ZNF594: variants seen among roughly 807,000 people sequenced by gnomAD.
The protein encoded by ZNF594 is zinc finger protein HZF18.
For synonymous variants in ZNF594, 336 were observed against 309.4 expected (o/e 1.09, Z -0.90); for missense variants, 1,037 against 964.6 (o/e 1.08, Z -0.99).
chr17:5,181,398 T>C lies in ZNF594; in HGVS notation c.*435A>G, dbSNP rs757407649. The C allele has an allele frequency of 1.8e-5, 29 of 1,612,960 alleles. No individual in the cohort carries two copies. The highest frequency in any genetic ancestry group is 2.5e-5 in the Non-Finnish European group (29 of 1,179,102). ...AGCCCTACCACACTGATTACACCAA[T>C]AAGCTTTCTCTTCTTGGTGAATTTT... On this transcript the variant is annotated 3_prime_UTR_variant, in exon 2 of 2. Coordinates refer to ENST00000575779, the MANE Select transcript of ZNF594 (RefSeq NM_032530.2).
At chr17:5,190,745 A>C (rs1414661087) in intron 1 of ZNF594, among the ~76,000 whole-genome samples, 1 of 152,102 alleles carries the variant, frequency 6.6e-6, no homozygotes, top group Admixed American at 6.5e-5. Context: ...TAGCAGAGAG[A>C]GAGCCGGACA....
intron 1 of ZNF594, among the ~76,000 whole-genome samples, chr17:5,187,697 A>G (rs892152408): frequency 4.6e-5 from 7 of 152,190 alleles, no homozygotes; most frequent in Non-Finnish European, 7.3e-5. Flanking sequence ...AATGGAGATA[A>G]TAATAGTATT....
chr17:5,187,257 A>C (rs1195588353), intron 1 of ZNF594, among the ~76,000 whole-genome samples: 1 of 152,236 alleles, frequency 6.6e-6, no homozygotes, highest in East Asian at 1.9e-4. Flanking sequence ...AATGAGGAAG[A>C]TGCAAAAGCG....
At chr17:5,175,518 G>T (rs963976038), downstream of ZNF594, among the ~76,000 whole-genome samples, 3 of 152,156 alleles carry the variant, frequency 2.0e-5, no homozygotes, top group Non-Finnish European at 4.4e-5. Flanking sequence ...GTAGAGGGTA[G>T]AACAAGATCT....
rs2074354356 is a variant in ZNF594 at position 5,182,739 on chromosome 17, A to G, written c.1518T>C (p.His506=). ...AFRRRSLLIQ[H]RRIHSGEKPY... The stretch of plus-strand genomic sequence containing the variant: ...GTTTCTCACCACTATGAATTCTCCG[A>G]TGTTGAATAAGGAGTGAACGCCGCC... The change falls in exon 2 of 2, where the codon CAT becomes CAC. Residue 506 remains histidine, a synonymous_variant. Coordinates refer to ENST00000575779, the MANE Select transcript of ZNF594 (RefSeq NM_032530.2). The G allele has an allele frequency of 6.2e-7, 1 of 1,613,720 alleles. No individual in the cohort carries two copies. The highest frequency in any genetic ancestry group is 2.2e-5 in the East Asian group (1 of 44,818).
At chr17:5,190,199 T>C (rs1481828424) in intron 1 of ZNF594, among the ~76,000 whole-genome samples, 1 of 152,090 alleles carries the variant, frequency 6.6e-6, no homozygotes, top group Non-Finnish European at 1.5e-5. Context: ...AGAAATCCTG[T>C]GTCTACTAAA....
At chr17:5,189,101 AAAAAG>A (rs1254236258) in intron 1 of ZNF594, among the ~76,000 whole-genome samples, 6 of 151,804 alleles carry the variant, frequency 4.0e-5, no homozygotes, top group African/African-American at 9.7e-5. Flanking sequence ...AGCCAAAAAA[AAAAAG>A]AAAAGAGAAA....
At chr17:5,185,113 T>G (rs2074377769) in intron 1 of ZNF594, among the ~76,000 whole-genome samples, 2 of 152,222 alleles carry the variant, frequency 1.3e-5, no homozygotes, top group Admixed American at 1.3e-4. Context: ...AATTACAAGA[T>G]AGATGAGCTT....
chr17:5,181,406 C>T lies in ZNF594; in HGVS notation c.*427G>A. 2 of 1,613,204 alleles carry T rather than the reference C, an allele frequency of 1.2e-6. No homozygotes were observed. Among genetic ancestry groups the T allele is most frequent in the Non-Finnish European group, 1.7e-6 (2 of 1,179,260 alleles). On this transcript the variant is annotated 3_prime_UTR_variant, in exon 2 of 2. Transcript: ENST00000575779. The stretch of plus-strand genomic sequence containing the variant: ...CACACTGATTACACCAATAAGCTTT[C>T]TCTTCTTGGTGAATTTTCTGCTCTC...
At chr17:5,178,335 T>C (rs1490394203), downstream of ZNF594, among the ~76,000 whole-genome samples, 1 of 152,172 alleles carries the variant, frequency 6.6e-6, no homozygotes, top group Non-Finnish European at 1.5e-5. Flanking sequence ...CATATGATTA[T>C]TTACAGTATA....
At position 5,183,474 on chromosome 17, in the gene ZNF594, G is replaced by A. The variant is rs2074363551; in HGVS notation, c.783C>T (p.His261=). The A allele has an allele frequency of 6.2e-7, 1 of 1,614,084 alleles. No homozygotes were observed. The highest frequency in any genetic ancestry group is 1.1e-5 in the South Asian group (1 of 91,088). Residue 261 remains histidine (H), a synonymous_variant, in exon 2 of 2, where the codon CAC becomes CAT. Coordinates refer to ENST00000575779, the MANE Select transcript of ZNF594 (RefSeq NM_032530.2). ...AACATTCATAGGGTTTCTCTCCAGT[G>A]TGAATTCTGTGATGTATAATAAGAT... ...STDLIIHHRI[H]TGEKPYECYD... is the part of the protein sequence containing the mutation.
chr17:5,190,544 C>A (rs2074415115), intron 1 of ZNF594, among the ~76,000 whole-genome samples: 1 of 152,174 alleles, frequency 6.6e-6, no homozygotes, highest in African/African-American at 2.4e-5. Flanking sequence ...AATTCACATT[C>A]ATGGGCACGC....
chr17:5,184,829 C>G (rs941689474), intron 1 of ZNF594, among the ~76,000 whole-genome samples: 1 of 152,166 alleles, frequency 6.6e-6, no homozygotes, highest in African/African-American at 2.4e-5. Context: ...TACGAACTGG[C>G]AAAGGAGAAA....
chr17:5,191,558 G>T (rs1402686587), intron 1 of ZNF594, 190 bp downstream of exon 1: 1 of 152,354 alleles, frequency 6.6e-6, no homozygotes, highest in Non-Finnish European at 1.5e-5. Flanking sequence ...GACAGGGCCG[G>T]GAATGGGGCA....
chr17:5,183,253 C>A lies in ZNF594; in HGVS notation c.1004G>T (p.Arg335Leu). The A allele has an allele frequency of 6.2e-6, 10 of 1,614,148 alleles. No homozygotes were observed. Among genetic ancestry groups the A allele is most frequent in the Non-Finnish European group, 8.5e-6 (10 of 1,180,026 alleles). ...CHRCGKTFSG[R>L]TAFLKHQRLH... ...TCTCTGATGTTTAAGAAAAGCTGTG[C>A]GCCCACTGAAGGTCTTCCCACATCT... Residue 335 changes from arginine (R) to leucine (L), a missense_variant, in exon 2 of 2, where the codon CGC becomes CTC. Transcript: ENST00000575779.
At chr17:5,185,669 T>C (rs566314310) in intron 1 of ZNF594, among the ~76,000 whole-genome samples, 1 of 152,300 alleles carries the variant, frequency 6.6e-6, no homozygotes, top group African/African-American at 2.4e-5. Context: ...GGCAAGTCCC[T>C]TCCTCCTATG....
At chr17:5,179,028 T>C (rs141953479), downstream of ZNF594, among the ~76,000 whole-genome samples, 220 of 151,738 alleles carry the variant, frequency 1.4e-3, no homozygotes, top group Non-Finnish European at 2.4e-3. Flanking sequence ...CTAACTTATT[T>C]CCAGTTCCAG....
downstream of ZNF594, among the ~76,000 whole-genome samples, chr17:5,176,967 A>G (rs546909127): frequency 2.0e-5 from 3 of 152,166 alleles, no homozygotes; most frequent in Admixed American, 6.5e-5. Context: ...AGGCCGAGGC[A>G]GGCGGATCAC....
downstream of ZNF594, chr17:5,179,408 C>T: frequency 5.9e-6 from 1 of 168,512 alleles, no homozygotes. Context: ...CTGGCCGGAG[C>T]CAACCTGGAG....
Sources: allele counts gnomAD v4.1 joint callset (sites outside exome capture counted in the v4.1 genomes callset), GRCh38; gene constraint gnomAD v4.1.1; transcripts MANE v1.5; gene names NCBI Gene and HGNC (gene_info 2026-07-23, HGNC 2026-07-21).